DLGAP4: variants seen among roughly 807,000 people sequenced by gnomAD.
The protein encoded by DLGAP4 is disks large-associated protein 4.
A neutral mutation model predicts 86.9 loss-of-function variants in DLGAP4; 18 were observed. That is an observed-to-expected ratio of 0.21 (90% CI 0.14 to 0.31). The LOEUF is 0.31. Ranked by LOEUF, DLGAP4 falls within the 10% of genes least tolerant of loss-of-function variation. DLGAP4 has a pLI of 1.00. For synonymous variants in DLGAP4, 548 were observed against 574.3 expected (o/e 0.95, Z 0.65); for missense variants, 1,085 against 1,362.6 (o/e 0.80, Z 3.21).
chr20:36,508,762 G>A (rs1002783459), intron 10 of DLGAP4: 7 of 152,162 alleles, frequency 4.6e-5, no homozygotes, highest in African/African-American at 1.7e-4. Flanking sequence ...TCAACACTCT[G>A]GTGCATGTCT....
chr20:36,439,946 C>G, intron 5 of DLGAP4, 78 bp downstream of exon 5: 5 of 1,286,664 alleles, frequency 3.9e-6, no homozygotes, highest in South Asian at 3.8e-5. Context: ...CACGCCCAGG[C>G]CCAGCCCATG....
intron 1 of DLGAP4, among the ~76,000 whole-genome samples, chr20:36,311,117 C>G (rs2065049381): frequency 6.6e-6 from 1 of 152,112 alleles, no homozygotes; most frequent in African/African-American, 2.4e-5. Context: ...CATTTCATCC[C>G]CCCATCTTCT....
At chr20:36,439,938 C>G (rs550445033) in intron 5 of DLGAP4, 70 bp downstream of exon 5, 3 of 1,355,670 alleles carry the variant, frequency 2.2e-6, no homozygotes, top group Non-Finnish European at 3.1e-6. Context: ...GGAGGACACA[C>G]GCCCAGGCCC....
At chr20:36,442,860 A>G in intron 6 of DLGAP4, 83 bp downstream of exon 6, 5 of 1,573,602 alleles carry the variant, frequency 3.2e-6, no homozygotes, top group East Asian at 2.2e-5. Context: ...TGGTCCCAGC[A>G]CCCGGCCCAG....
chr20:36,347,373 A>AG (rs1182140174), intron 1 of DLGAP4, among the ~76,000 whole-genome samples: 9 of 152,114 alleles, frequency 5.9e-5, no homozygotes, highest in Admixed American at 5.9e-4. Context: ...GAGAGGAGTC[A>AG]GGGGGCAGAT....
chr20:36,435,642 C>A (rs1422662408), intron 3 of DLGAP4, among the ~76,000 whole-genome samples: 1 of 152,236 alleles, frequency 6.6e-6, no homozygotes, highest in African/African-American at 2.4e-5. Context: ...CCCGTCCCCC[C>A]TCATGCTGAT....
chr20:36,358,652 C>CA (rs2030414040), intron 1 of DLGAP4, among the ~76,000 whole-genome samples: 1 of 151,896 alleles, frequency 6.6e-6, no homozygotes, highest in Non-Finnish European at 1.5e-5. Flanking sequence ...TAAAAAAATA[C>CA]AAAAAATTAG....
intron 2 of DLGAP4, among the ~76,000 whole-genome samples, chr20:36,379,333 G>C (rs1002797923): frequency 1.3e-5 from 2 of 152,210 alleles, no homozygotes; most frequent in African/African-American, 4.8e-5. Context: ...GATCCTGTCA[G>C]GGGGAAGAGA....
chr20:36,380,388 G>A (rs2031329751), intron 2 of DLGAP4, among the ~76,000 whole-genome samples: 1 of 151,962 alleles, frequency 6.6e-6, no homozygotes, highest in South Asian at 2.1e-4. Flanking sequence ...CAGCCTGGGT[G>A]ACAGTGAGAC....
intron 10 of DLGAP4, among the ~76,000 whole-genome samples, chr20:36,523,733 G>A (rs367817459): frequency 1.3e-5 from 2 of 152,252 alleles, no homozygotes; most frequent in South Asian, 2.1e-4. Context: ...GCGCCATCTT[G>A]GCTCACTGTA....
intron 7 of DLGAP4, among the ~76,000 whole-genome samples, chr20:36,468,862 T>C (rs1339061084): frequency 6.6e-6 from 1 of 152,216 alleles, no homozygotes; most frequent in African/African-American, 2.4e-5. Context: ...TCCCTTTCCA[T>C]TGTAGTAATT....
At chr20:36,463,284 G>A (rs1260303602) in intron 7 of DLGAP4, among the ~76,000 whole-genome samples, 1 of 152,198 alleles carries the variant, frequency 6.6e-6, no homozygotes, top group Admixed American at 6.5e-5. Flanking sequence ...TCTGTAAAAA[G>A]TGGATAATTG....
intron 2 of DLGAP4, among the ~76,000 whole-genome samples, chr20:36,410,595 C>G (rs1330518927): frequency 6.6e-6 from 1 of 152,176 alleles, no homozygotes; most frequent in African/African-American, 2.4e-5. Flanking sequence ...CCAATCATGG[C>G]TGAAGGTGAA....
intron 1 of DLGAP4, among the ~76,000 whole-genome samples, chr20:36,366,086 G>A (rs1254278244): frequency 6.6e-6 from 1 of 152,152 alleles, no homozygotes; most frequent in East Asian, 1.9e-4. Context: ...TCTCCCTAGA[G>A]GACTGGTTCC....
At chr20:36,336,404 T>C (rs1469240383) in intron 1 of DLGAP4, among the ~76,000 whole-genome samples, 2 of 152,296 alleles carry the variant, frequency 1.3e-5, no homozygotes, top group East Asian at 3.9e-4. Flanking sequence ...CTGTGTTAAA[T>C]GTCGCCTCCT....
intron 2 of DLGAP4, among the ~76,000 whole-genome samples, chr20:36,403,127 G>T (rs1363797239): frequency 6.6e-6 from 1 of 152,212 alleles, no homozygotes; most frequent in African/African-American, 2.4e-5. Context: ...GAATACCACA[G>T]GCTGGGTAAT....
At chr20:36,387,293 C>T (rs909587635) in intron 2 of DLGAP4, among the ~76,000 whole-genome samples, 3 of 152,150 alleles carry the variant, frequency 2.0e-5, no homozygotes, top group Non-Finnish European at 2.9e-5. Flanking sequence ...ATGTGTTTAG[C>T]GGTCATCTGA....
chr20:36,396,776 A>G (rs775914934), intron 2 of DLGAP4, among the ~76,000 whole-genome samples: 1 of 152,090 alleles, frequency 6.6e-6, no homozygotes, highest in Non-Finnish European at 1.5e-5. Context: ...ACTTAGCCTC[A>G]GTTTCTCCAT....
At chr20:36,328,814 T>C (rs1207514953) in intron 1 of DLGAP4, among the ~76,000 whole-genome samples, 2 of 150,832 alleles carry the variant, frequency 1.3e-5, no homozygotes, top group Admixed American at 1.3e-4. Context: ...TCTCTCTCTA[T>C]TATCCAGATG....
Sources: gnomAD v4.1 joint callset for allele counts (sites outside exome capture counted in the v4.1 genomes callset) on GRCh38, gnomAD v4.1.1 for gene constraint, MANE v1.5 for transcripts, NCBI Gene and HGNC (gene_info 2026-07-23, HGNC 2026-07-21) for gene names.